Variants in PALS2 observed in about 807,000 individuals in gnomAD.
PALS2 encodes the protein protein PALS2.
A neutral mutation model predicts 61.6 loss-of-function variants in PALS2; 27 were observed. The ratio of observed to expected loss-of-function variants is 0.44; its 90% CI spans 0.32 to 0.60. The LOEUF (loss-of-function observed/expected upper bound fraction) is 0.60. Among genes scored for constraint, PALS2 ranks in the 20% least tolerant of loss-of-function variants. The pLI is 0.05. For missense variants in PALS2, 554 were observed against 639.4 expected, an observed-to-expected ratio of 0.87 and a Z score of 1.44; for synonymous variants, 236 against 218.6, an observed-to-expected ratio of 1.08 and a Z score of -0.70.
chr7:24,658,047 G>C (rs557841538), intron 5 of PALS2, among the ~76,000 whole-genome samples: 3 of 152,090 alleles, frequency 2.0e-5, no homozygotes, highest in Admixed American at 1.3e-4. Context: ...TTTGGTGACT[G>C]TAGTTACATG....
At chr7:24,605,583 A>C (rs1012187908) in intron 1 of PALS2, among the ~76,000 whole-genome samples, 2 of 152,102 alleles carry the variant, frequency 1.3e-5, no homozygotes, top group Admixed American at 6.6e-5. Context: ...ATATGTAAGA[A>C]TAGGTCTATA....
intron 5 of PALS2, among the ~76,000 whole-genome samples, chr7:24,654,525 A>G (rs1201093071): frequency 6.6e-6 from 1 of 152,204 alleles, no homozygotes; most frequent in Non-Finnish European, 1.5e-5. Context: ...TAGTAGAGTC[A>G]GAGAATGTCA....
chr7:24,663,541 GT>G, intron 5 of PALS2, 48 bp from the exon 6 acceptor site: 5 of 1,484,082 alleles, frequency 3.4e-6, no homozygotes, highest in Non-Finnish European at 4.5e-6. Flanking sequence ...TTTAAATTCA[GT>G]GGCAAGTGAT....
intron 1 of PALS2, chr7:24,589,127 A>T (rs1459427842): frequency 3.9e-5 from 6 of 152,070 alleles, no homozygotes; most frequent in Non-Finnish European, 7.4e-5. Flanking sequence ...AAGTAAGTGC[A>T]GATCTTCTTT....
chr7:24,575,972 TAA>T (rs1158984922), intron 1 of PALS2, among the ~76,000 whole-genome samples: 1 of 152,138 alleles, frequency 6.6e-6, no homozygotes, highest in African/African-American at 2.4e-5. Flanking sequence ...TTTTTTTTTT[TAA>T]ATCAGAACTC....
In PALS2 at chr7:24,691,237, A is replaced by G. The variant is rs1018870760; in HGVS notation, c.*3623A>G. 6.6e-6 allele frequency: 1 copy of G among 151,710 alleles called. No individual in the cohort carries two copies. Among genetic ancestry groups the G allele is most frequent in the Non-Finnish European group, 1.5e-5 (1 of 67,878 alleles). The allele number at this position is 151,710 out of a possible 1,614,324, so 9.4% of individuals were successfully genotyped here. ...TTAAATTTTACTTTTGTAACTTCTG[A>G]AACAGTACTCCATTATCCAGAAATC... is the stretch of plus-strand genomic sequence containing the variant. On this transcript the variant is annotated 3_prime_UTR_variant, in exon 12 of 12. Coordinates refer to ENST00000222644, the MANE Select transcript of PALS2 (RefSeq NM_001303037.2).
chr7:24,585,417 T>A (rs1422582364), intron 1 of PALS2, among the ~76,000 whole-genome samples: 1 of 152,210 alleles, frequency 6.6e-6, no homozygotes, highest in Admixed American at 6.5e-5. Context: ...ATTCAGATCC[T>A]TTCTTATGTT....
chr7:24,650,806 G>A, intron 5 of PALS2, 94 bp downstream of exon 5: 1 of 899,790 alleles, frequency 1.1e-6, no homozygotes, highest in Non-Finnish European at 1.6e-6. Flanking sequence ...TTTTGCTAAA[G>A]AAAAGAGAAA....
intron 1 of PALS2, among the ~76,000 whole-genome samples, chr7:24,576,265 ACC>A (rs1782639333): frequency 6.6e-6 from 1 of 152,116 alleles, no homozygotes; most frequent in African/African-American, 2.4e-5. Context: ...TGTTGTAGGG[ACC>A]AGTTTTGTTT....
At chr7:24,657,730 C>CTT (rs928722452) in intron 5 of PALS2, among the ~76,000 whole-genome samples, 18 of 151,844 alleles carry the variant, frequency 1.2e-4, no homozygotes, top group Admixed American at 9.8e-4. Flanking sequence ...GATTTTTTTT[C>CTT]TTTGAGTCAT....
intron 1 of PALS2, among the ~76,000 whole-genome samples, chr7:24,595,555 T>TTAAATATA (rs1242470592): frequency 1.5e-5 from 2 of 131,102 alleles, no homozygotes; most frequent in South Asian, 2.2e-4. Context: ...TAAATATATA[T>TTAAATATA]TAACTATATA....
intron 6 of PALS2, among the ~76,000 whole-genome samples, chr7:24,664,631 A>G (rs1018593064): frequency 1.3e-5 from 2 of 152,144 alleles, no homozygotes; most frequent in East Asian, 1.9e-4. Context: ...AATCTTACTT[A>G]TGTGTCCTTA....
chr7:24,663,391 G>A, intron 5 of PALS2, 199 bp from the exon 6 acceptor site: 1 of 408,204 alleles, frequency 2.4e-6, no homozygotes. Context: ...AAGTAGAGAA[G>A]AAGTTTTATT....
At chr7:24,588,897 T>A (rs1348784558) in intron 1 of PALS2, among the ~76,000 whole-genome samples, 1 of 152,212 alleles carries the variant, frequency 6.6e-6, no homozygotes, top group Non-Finnish European at 1.5e-5. Flanking sequence ...AAAAACAGTT[T>A]ATTTTGTCCT....
intron 1 of PALS2, among the ~76,000 whole-genome samples, chr7:24,610,321 T>C (rs1784069084): frequency 6.6e-6 from 1 of 152,166 alleles, no homozygotes; most frequent in Non-Finnish European, 1.5e-5. Flanking sequence ...CCTTTTTCTG[T>C]GATTACTTTA....
chr7:24,673,450 T>G (rs958333475), intron 9 of PALS2, among the ~76,000 whole-genome samples: 4 of 152,204 alleles, frequency 2.6e-5, no homozygotes, highest in Non-Finnish European at 5.9e-5. Flanking sequence ...TTTCATTGTT[T>G]GGGAAGAGTA....
intron 2 of PALS2, among the ~76,000 whole-genome samples, chr7:24,635,715 A>C (rs1785202865): frequency 1.3e-5 from 2 of 152,144 alleles, no homozygotes; most frequent in African/African-American, 2.4e-5. Flanking sequence ...TTTTTGCATA[A>C]GATTTTATAT....
chr7:24,614,833 A>G (rs1432649300), intron 1 of PALS2, among the ~76,000 whole-genome samples: 1 of 151,990 alleles, frequency 6.6e-6, no homozygotes, highest in Non-Finnish European at 1.5e-5. Flanking sequence ...AAAGGCAAAC[A>G]TACAATGTCA....
chr7:24,671,083 C>T (rs184817530), intron 9 of PALS2, among the ~76,000 whole-genome samples: 2 of 152,204 alleles, frequency 1.3e-5, no homozygotes, highest in Non-Finnish European at 2.9e-5. Flanking sequence ...GTATGTTTAG[C>T]CTTTAGAAGA....
Sources: gnomAD v4.1 joint callset for allele counts (sites outside exome capture counted in the v4.1 genomes callset) on GRCh38, gnomAD v4.1.1 for gene constraint, MANE v1.5 for transcripts, NCBI Gene and HGNC (gene_info 2026-07-23, HGNC 2026-07-21) for gene names.